Variants in PLAAT3 observed in about 807,000 individuals in gnomAD.
The protein encoded by PLAAT3 is Ca-independent phospholipase A1/2.
A neutral mutation model predicts 16.7 loss-of-function variants in PLAAT3; 21 were observed. The observed-to-expected ratio is 1.26, with a 90% CI of 0.89 to 1.81. PLAAT3 has a LOEUF of 1.81. Among genes scored for constraint, PLAAT3 ranks in the 40% most tolerant of loss-of-function variants. The pLI, the probability that PLAAT3 is intolerant of heterozygous loss-of-function variation, is 0.00. For synonymous variants in PLAAT3, 76 were observed against 81.7 expected (o/e 0.93, Z 0.38); for missense variants, 219 against 213.7 (o/e 1.02, Z -0.16).
intron 4 of PLAAT3, among the ~76,000 whole-genome samples, chr11:63,579,635 C>T (rs990596797): frequency 1.4e-5 from 2 of 147,352 alleles, no homozygotes; most frequent in Non-Finnish European, 1.5e-5. Context: ...AAAAACCAAA[C>T]ATCGCATGTT....
At chr11:63,577,240 T>C (rs557714355) in intron 4 of PLAAT3, among the ~76,000 whole-genome samples, 2 of 152,022 alleles carry the variant, frequency 1.3e-5, no homozygotes, top group Non-Finnish European at 2.9e-5. Flanking sequence ...GGCGCAATCT[T>C]AGCTCACTGC....
intron 2 of PLAAT3, among the ~76,000 whole-genome samples, chr11:63,603,385 A>G (rs1380466491): frequency 6.6e-6 from 1 of 152,164 alleles, no homozygotes; most frequent in African/African-American, 2.4e-5. Context: ...GGGATTTCAG[A>G]ACAAAAAGCC....
At chr11:63,593,646 G>GCAGCCTCCGCCTCCTGCTCGTGCCT (rs200435370) in intron 3 of PLAAT3, among the ~76,000 whole-genome samples, 6 of 151,922 alleles carry the variant, frequency 3.9e-5, no homozygotes, top group South Asian at 2.1e-4. Flanking sequence ...TTGGTTCACT[G>GCAGCCTCCGCCTCCTGCTCGTGCCT]CAGCCTCCGC....
intron 2 of PLAAT3, among the ~76,000 whole-genome samples, chr11:63,602,695 A>G (rs1938461585): frequency 3.3e-5 from 5 of 152,184 alleles, no homozygotes; most frequent in South Asian, 4.1e-4. Flanking sequence ...TTAGTGGAAC[A>G]TCGCCAGGCT....
intron 4 of PLAAT3, among the ~76,000 whole-genome samples, chr11:63,588,871 A>G (rs141788259): frequency 1.3e-5 from 2 of 150,594 alleles, no homozygotes; most frequent in East Asian, 4.0e-4. Context: ...TATCAGCAGT[A>G]TGAAGAGAGT....
chr11:63,587,220 G>A (rs1938004368), intron 4 of PLAAT3, among the ~76,000 whole-genome samples: 1 of 152,182 alleles, frequency 6.6e-6, no homozygotes, highest in African/African-American at 2.4e-5. Flanking sequence ...ACTAAAGAAA[G>A]TGAGTTTCCA....
At chr11:63,612,153 T>G (rs892442980) in intron 2 of PLAAT3, among the ~76,000 whole-genome samples, 73 of 152,080 alleles carry the variant, frequency 4.8e-4, no homozygotes, top group African/African-American at 1.7e-3. Flanking sequence ...AAAAAAAGTA[T>G]GATGAACTGT....
chr11:63,598,002 C>T, intron 3 of PLAAT3, 59 bp downstream of exon 3: 2 of 1,121,686 alleles, frequency 1.8e-6, no homozygotes, highest in East Asian at 4.7e-5. Context: ...CACAGTTCCC[C>T]ATCCCCTCTC....
In PLAAT3 at chr11:63,598,207, T is replaced by C. The variant is rs1253546629; in HGVS notation, c.16-44A>G. ...GGCTGTTAGAGGGAGCATGAGATCG[T>C]GGAACCAGGACAGGGCTCAGTGAGG... On this transcript the variant is annotated intron_variant, in intron 2 of 4. Transcript: ENST00000415826. 2.9e-6 allele frequency: 4 copies of C among 1,366,436 alleles called. 1 individual carries two copies. The Admixed American group carries it at 5.1e-5, about 17-fold the overall frequency. The allele number at this position is 1,366,436 out of a possible 1,614,324, so 84.6% of individuals were successfully genotyped here.
At chr11:63,607,704 C>T (rs1490186182) in intron 2 of PLAAT3, among the ~76,000 whole-genome samples, 1 of 151,602 alleles carries the variant, frequency 6.6e-6, no homozygotes, top group African/African-American at 2.4e-5. Context: ...ATCATAGAAG[C>T]TGGTGGGGAG....
chr11:63,614,190 A>G (rs899650515), intron 1 of PLAAT3, 122 bp from the exon 2 acceptor site: 1 of 763,896 alleles, frequency 1.3e-6, no homozygotes, highest in African/African-American at 1.8e-5. Context: ...AGGAACAACC[A>G]CCTCGCTCCC....
chr11:63,579,591 G>T (rs1937735013), intron 4 of PLAAT3, among the ~76,000 whole-genome samples: 1 of 151,810 alleles, frequency 6.6e-6, no homozygotes, highest in Non-Finnish European at 1.5e-5. Context: ...GATGAAGCTG[G>T]AAACCATTAT....
At position 63,593,192 on chromosome 11, in the gene PLAAT3, C is replaced by T. The variant is rs76071251; in HGVS notation, c.119-2824G>A. Among the ~76,000 whole-genome samples the T allele has an allele frequency of 7.1e-3, 1,079 of 152,304 alleles. 9 individuals are homozygous for T. The highest frequency in any genetic ancestry group is 0.025 in the African/African-American group (1,038 of 41,562). The stretch of plus-strand genomic sequence containing the variant: ...AGCAATTCCCATGCTACTGAGAAGA[C>T]GCTGACAATGAACAAATACACAAAA... On this transcript the variant is annotated intron_variant, in intron 3 of 4. Transcript: ENST00000415826.
chr11:63,598,791 A>G (rs1938354854), intron 2 of PLAAT3: 2 of 496,110 alleles, frequency 4.0e-6, no homozygotes, highest in Admixed American at 4.2e-5. Flanking sequence ...GAGAACTGGC[A>G]TCAGTCTCCA....
chr11:63,605,576 G>A (rs1471555478), intron 2 of PLAAT3, among the ~76,000 whole-genome samples: 1 of 151,684 alleles, frequency 6.6e-6, no homozygotes, highest in Non-Finnish European at 1.5e-5. Context: ...TTTTTGAGAC[G>A]GAGTCTCGCA....
intron 2 of PLAAT3, among the ~76,000 whole-genome samples, chr11:63,613,093 ACTTTCTGAGTATTAAGTGATATAAT>A (rs1452475436): frequency 6.6e-6 from 1 of 152,066 alleles, no homozygotes; most frequent in African/African-American, 2.4e-5. Context: ...TGTTCTGGGC[ACTTTCTGAGTATTAAGTGATATAAT>A]CTTCACTCTG....
At chr11:63,609,685 G>A (rs1470511152) in intron 2 of PLAAT3, among the ~76,000 whole-genome samples, 1 of 152,206 alleles carries the variant, frequency 6.6e-6, no homozygotes, top group Non-Finnish European at 1.5e-5. Flanking sequence ...CAGCTGGCCT[G>A]ACACATTACA....
chr11:63,588,717 T>A lies in PLAAT3; in HGVS notation c.387+1383A>T, dbSNP rs147504431. On this transcript the variant is annotated intron_variant, in intron 4 of 4. Coordinates refer to ENST00000415826, the MANE Select transcript of PLAAT3 (RefSeq NM_001128203.2). ...GTTGATCACCTTTAACATTCATATA[T>A]AAATAGTTGTTGAACATGAATAACC... Among the ~76,000 whole-genome samples the A allele has an allele frequency of 2.6e-5, 4 of 152,242 alleles. No homozygotes were observed. In the South Asian group the frequency reaches 8.3e-4, roughly 32 times the overall value.
At chr11:63,577,328 C>T (rs747976180) in intron 4 of PLAAT3, among the ~76,000 whole-genome samples, 1 of 152,046 alleles carries the variant, frequency 6.6e-6, no homozygotes, top group African/African-American at 2.4e-5. Context: ...CCCGCCACCA[C>T]GCCCAGCTAA....
Sources: gnomAD v4.1 joint callset for allele counts (sites outside exome capture counted in the v4.1 genomes callset) on GRCh38, gnomAD v4.1.1 for gene constraint, MANE v1.5 for transcripts, NCBI Gene and HGNC (gene_info 2026-07-23, HGNC 2026-07-21) for gene names.